The following TCF12 variants were observed in gnomAD, a reference collection of about 807,000 sequenced individuals.
The protein encoded by TCF12 is transcription factor 12.
TCF12 carries 45 observed loss-of-function variants against 86.0 expected under a neutral mutation model. The observed-to-expected ratio is 0.52, with a 90% CI of 0.41 to 0.67. The LOEUF (loss-of-function observed/expected upper bound fraction) is 0.67. TCF12 is among the 30% of genes least tolerant of loss of function. The probability of loss-of-function intolerance (pLI) is 0.00; values close to 1 mark genes in which losing one functional copy is unlikely to be tolerated. For synonymous variants in TCF12, 330 were observed against 299.6 expected (o/e 1.10, Z -1.05); for missense variants, 881 against 859.9 (o/e 1.02, Z -0.31).
At chr15:57,022,696 T>A (rs2733181) in intron 3 of TCF12, among the ~76,000 whole-genome samples, 1,744 of 152,094 alleles carry the variant, frequency 0.011, 32 homozygotes, top group African/African-American at 0.039. Flanking sequence ...AGTGTAAAAG[T>A]GTTCCTATTT....
intron 19 of TCF12, 49 bp downstream of exon 19, chr15:57,273,311 G>A: frequency 6.4e-7 from 1 of 1,569,822 alleles, no homozygotes; most frequent in Non-Finnish European, 8.8e-7. Context: ...CAGATGGGCA[G>A]ACATTTCTGT....
At chr15:57,265,127 GT>G (rs1304267344) in intron 18 of TCF12, among the ~76,000 whole-genome samples, 1 of 90,910 alleles carries the variant, frequency 1.1e-5, no homozygotes, top group Non-Finnish European at 2.7e-5. Flanking sequence ...GTATAGTATA[GT>G]ATAGTATAAA....
rs111621252 is a variant in TCF12, at chr15:57,026,426, CA to C, written c.149-37323del. On this transcript the variant is annotated intron_variant, in intron 3 of 20. Coordinates refer to ENST00000333725, the MANE Select transcript of TCF12 (RefSeq NM_207037.2). ...TGTCCTGTTACTGATTTATTATAAG[CA>C]GCAGTCCAGCATGCTGTTGGTAGGA... is the stretch of plus-strand genomic sequence containing the variant. 1.5e-4 allele frequency among the ~76,000 whole-genome samples: 23 copies of C among 152,166 alleles called. 1 individual carries two copies. Among genetic ancestry groups the C allele is most frequent in the Middle Eastern group, 6.3e-3 (2 of 316 alleles).
intron 3 of TCF12, among the ~76,000 whole-genome samples, chr15:56,975,808 G>C (rs777697737): frequency 6.6e-6 from 1 of 151,374 alleles, no homozygotes; most frequent in South Asian, 2.1e-4. Flanking sequence ...CGTATTTATC[G>C]CTAAATATAA....
chr15:57,255,181 A>G (rs542816728), intron 16 of TCF12, among the ~76,000 whole-genome samples: 2 of 152,272 alleles, frequency 1.3e-5, no homozygotes, highest in African/African-American at 4.8e-5. Context: ...TATTTATTAT[A>G]TATCTGGCTC....
At chr15:56,918,095 G>T (rs1221079204), upstream of TCF12, 8 of 404,210 alleles carry the variant, frequency 2.0e-5, no homozygotes, top group Non-Finnish European at 4.0e-5. Flanking sequence ...CTCTCGGAAC[G>T]GCCGAGGAGG....
intron 3 of TCF12, among the ~76,000 whole-genome samples, chr15:57,044,164 T>C (rs2067075297): frequency 6.6e-6 from 1 of 152,210 alleles, no homozygotes; most frequent in Admixed American, 6.5e-5. Context: ...TTATATACTC[T>C]TAGAAACATG....
intron 5 of TCF12, among the ~76,000 whole-genome samples, chr15:57,143,840 A>G (rs550966278): frequency 3.3e-5 from 5 of 152,166 alleles, no homozygotes; most frequent in Non-Finnish European, 5.9e-5. Context: ...GGTCTTTAGG[A>G]TAATAGATTG....
In TCF12 at chr15:57,253,457, T is replaced by C. The variant is rs2060210537; in HGVS notation, c.1456T>C (p.Ser486Pro). The C allele has an allele frequency of 6.2e-7, 1 of 1,613,966 alleles. No homozygotes were observed. Among genetic ancestry groups the C allele is most frequent in the Admixed American group, 1.7e-5 (1 of 59,992 alleles). ...ATCAAGCCTTGTTGCAAGCAGTCGA[T>C]CAGCTTCAATGGTAAAATCATGCTC... is the stretch of plus-strand genomic sequence containing the variant. ...GGSSLVASSR[S>P]ASMVGTHRED... Residue 486 changes from serine (S) to proline (P), a missense_variant, in exon 16 of 21, where the codon TCA (serine) becomes CCA (proline). Ser to Pro is a moderately conservative substitution (Grantham distance 74, BLOSUM62 -1). Around this residue, in one of 3 missense-constraint regions of TCF12, gnomAD observed 766 missense variants for 718.9 expected, o/e 1.07. Transcript: ENST00000333725.
intron 5 of TCF12, among the ~76,000 whole-genome samples, chr15:57,097,809 A>G (rs779280636): frequency 4.6e-5 from 7 of 152,226 alleles, no homozygotes; most frequent in Middle Eastern, 3.4e-3. Context: ...AAAGGAGCCT[A>G]GATACAGTTG....
rs1045651286 is a variant in TCF12, at chr15:56,992,839, A to G, written c.149-70911A>G. On this transcript the variant is annotated intron_variant, in intron 3 of 20. Transcript: ENST00000333725. ...ATTGTCTTATTTTAAATTACCGATT[A>G]TCTTTTTATAAGGATATTTGAGGAG... Among the ~76,000 whole-genome samples the G allele has an allele frequency of 3.9e-5, 6 of 152,348 alleles. No homozygotes were observed. In the South Asian group the frequency reaches 1.0e-3, roughly 26 times the overall value.
At chr15:57,200,451 A>C (rs2057485013) in intron 8 of TCF12, among the ~76,000 whole-genome samples, 1 of 152,198 alleles carries the variant, frequency 6.6e-6, no homozygotes, top group South Asian at 2.1e-4. Flanking sequence ...GAGTATTAAA[A>C]ATGAAAATTG....
intron 6 of TCF12, among the ~76,000 whole-genome samples, chr15:57,184,954 G>A (rs1413974128): frequency 6.6e-6 from 1 of 151,896 alleles, no homozygotes; most frequent in Non-Finnish European, 1.5e-5. Context: ...CATTTCTTCT[G>A]GAGGTTATTA....
chr15:57,157,794 C>T (rs1179090311), intron 5 of TCF12, among the ~76,000 whole-genome samples: 1 of 152,002 alleles, frequency 6.6e-6, no homozygotes, highest in Non-Finnish European at 1.5e-5. Context: ...AACTCCTGAC[C>T]TCAGGTGATC....
At chr15:56,971,371 G>A (rs1335632847) in intron 3 of TCF12, among the ~76,000 whole-genome samples, 2 of 152,072 alleles carry the variant, frequency 1.3e-5, no homozygotes, top group African/African-American at 4.8e-5. Context: ...AGGTTGCAGT[G>A]AGCCGAGATC....
At chr15:56,930,082 A>G (rs1401274795) in intron 3 of TCF12, among the ~76,000 whole-genome samples, 1 of 152,234 alleles carries the variant, frequency 6.6e-6, no homozygotes, top group East Asian at 1.9e-4. Context: ...TACAGTGAAC[A>G]CAGGTTGGAC....
At chr15:57,171,356 A>G (rs1322108679) in intron 6 of TCF12, among the ~76,000 whole-genome samples, 1 of 152,116 alleles carries the variant, frequency 6.6e-6, no homozygotes, top group Admixed American at 6.5e-5. Flanking sequence ...TGTATTCCAG[A>G]CAGTATTTAT....
At chr15:57,009,053 G>A (rs2064657001) in intron 3 of TCF12, among the ~76,000 whole-genome samples, 1 of 152,162 alleles carries the variant, frequency 6.6e-6, no homozygotes, top group African/African-American at 2.4e-5. Flanking sequence ...TCATTTTGAA[G>A]TTAAAGTCCC....
chr15:56,991,361 G>C (rs1364840958), intron 3 of TCF12, among the ~76,000 whole-genome samples: 1 of 152,138 alleles, frequency 6.6e-6, no homozygotes, highest in African/African-American at 2.4e-5. Context: ...AGATAAAATG[G>C]TTGACCAGTT....
Sources: gnomAD v4.1 joint callset for allele counts (sites outside exome capture counted in the v4.1 genomes callset) on GRCh38, gnomAD v4.1.1 for gene constraint, gnomAD v4.1.1 regional missense constraint, MANE v1.5 for transcripts, NCBI Gene and HGNC (gene_info 2026-07-23, HGNC 2026-07-21) for gene names.